The following CSRP1 variants were observed in gnomAD, a reference collection of about 807,000 sequenced individuals.
The protein encoded by CSRP1 is cysteine and glycine-rich protein 1.
Under a neutral mutation model 25.4 loss-of-function variants are expected in CSRP1, and 16 were observed. That is an observed-to-expected ratio of 0.63 (90% CI 0.43 to 0.96). The LOEUF is 0.96. Among genes scored for constraint, CSRP1 ranks in the 40% least tolerant of loss-of-function variants. CSRP1 has a pLI of 0.00. For missense variants in CSRP1, 212 were observed against 243.6 expected (o/e 0.87, Z 0.86); for synonymous variants, 97 against 95.3 (o/e 1.02, Z -0.10).
rs1169986855 is a variant in CSRP1 at position 201,484,286 on chromosome 1, C to G, written c.*427G>C. The G allele has an allele frequency of 2.0e-6, 1 of 511,564 alleles. No homozygotes were observed. Among genetic ancestry groups the G allele is most frequent in the Admixed American group, 3.0e-5 (1 of 32,830 alleles). The allele number at this position is 511,564 out of a possible 1,614,324, so 31.7% of individuals were successfully genotyped here. On this transcript the variant is annotated 3_prime_UTR_variant, in exon 6 of 6. Coordinates refer to ENST00000340006, the MANE Select transcript of CSRP1 (RefSeq NM_004078.3). ...GAGAATCTCTGAGATCCAAAAAACC[C>G]AGCCTTCCCCCCTCCTCATCTTGGT...
Position 201,490,237 on chromosome 1 carries a change from C to T in CSRP1, c.220G>A (p.Gly74Arg), listed in dbSNP as rs747584690. The change falls in exon 3 of 6, where the codon GGG becomes AGG. Residue 74 changes from glycine (G) to arginine (R), a missense_variant. Coordinates refer to ENST00000340006, the MANE Select transcript of CSRP1 (RefSeq NM_004078.3). ...GTGCTGAGGGTGCCTGCGCCCTGCCCGTAGCCATAGCCTTTGGGCCCATAC... is the reference window on the plus strand; with the variant it reads ...GTGCTGAGGGTGCCTGCGCCCTGCCTGTAGCCATAGCCTTTGGGCCCATAC... ...KKYGPKGYGY[G>R]QGAGTLSTDK... The T allele has an allele frequency of 4.3e-6, 7 of 1,614,052 alleles. No homozygotes were observed. The highest frequency in any genetic ancestry group is 2.7e-5 in the African/African-American group (2 of 74,910).
At chr1:201,506,377 A>G (rs1664825726) in intron 1 of CSRP1, among the ~76,000 whole-genome samples, 1 of 152,150 alleles carries the variant, frequency 6.6e-6, no homozygotes, top group Non-Finnish European at 1.5e-5. Flanking sequence ...AGCATGCAAA[A>G]TATTCTCTAG....
At chr1:201,490,369 C>T (rs748182572) in intron 2 of CSRP1, 25 bp from the exon 3 acceptor site, 15 of 1,609,544 alleles carry the variant, frequency 9.3e-6, no homozygotes, top group African/African-American at 8.0e-5. Flanking sequence ...GGGAAGCGGA[C>T]GCATTGAGTT....
At position 201,484,753 on chromosome 1, in the gene CSRP1, C is replaced by A. The variant is rs1203847939; in HGVS notation, c.542G>T (p.Gly181Val). Residue 181 changes from glycine (G) to valine (V), a missense_variant, in exon 6 of 6, where the codon GGT becomes GTT. By Grantham distance (109) the Gly-to-Val change is moderately radical. Transcript: ENST00000340006. ...CAAGGCCCCAGCTCCTTGCCCAAAACCAAAGCCCTTGGGCCCGAAGTTTTT... is the reference window on the plus strand; with the variant it reads ...CAAGGCCCCAGCTCCTTGCCCAAAAACAAAGCCCTTGGGCCCGAAGTTTTT... ...YAKNFGPKGF[G>V]FGQGAGALVH... The A allele has an allele frequency of 1.9e-6, 3 of 1,612,270 alleles. No individual in the cohort carries two copies. Among genetic ancestry groups the A allele is most frequent in the East Asian group, 2.2e-5 (1 of 44,848 alleles).
At position 201,485,323 on chromosome 1, in the gene CSRP1, T is replaced by A; in HGVS notation, c.465A>T (p.Ser155=). Residue 155 remains serine (S), a synonymous_variant, in exon 5 of 6, where the codon TCA becomes TCT. Coordinates refer to ENST00000340006, the MANE Select transcript of CSRP1 (RefSeq NM_004078.3). The stretch of plus-strand genomic sequence containing the variant: ...CGCCATCCTTGTCTGCCAGGGTGGT[T>A]GACTCAAGGCCTTTGCCACACTTGG... The part of the protein sequence containing the change: ...RCAKCGKGLE[S]TTLADKDGEI... 1 of 1,614,186 alleles carries A rather than the reference T, an allele frequency of 6.2e-7. No homozygotes were observed. Among genetic ancestry groups the A allele is most frequent in the Non-Finnish European group, 8.5e-7 (1 of 1,180,012 alleles).
At chr1:201,504,260 C>T (rs9628675) in intron 1 of CSRP1, among the ~76,000 whole-genome samples, 89,869 of 152,056 alleles carry the variant, frequency 0.59, 28,326 homozygotes, top group Non-Finnish European at 0.71. Flanking sequence ...GCCTCAGTTT[C>T]TCCATTTGTA....
At chr1:201,492,800 T>C (rs1664380677) in intron 2 of CSRP1, 1 of 152,274 alleles carries the variant, frequency 6.6e-6, no homozygotes, top group Non-Finnish European at 1.5e-5. Flanking sequence ...ACCTGGTGGT[T>C]TTCTGCCAGC....
At chr1:201,501,695 C>T (rs929543718) in intron 1 of CSRP1, among the ~76,000 whole-genome samples, 5 of 152,142 alleles carry the variant, frequency 3.3e-5, no homozygotes, top group African/African-American at 1.2e-4. Context: ...CCCCAAATCT[C>T]ATGAAAGTCA....
At chr1:201,506,309 A>AGG (rs1557978698) in intron 1 of CSRP1, among the ~76,000 whole-genome samples, 10 of 151,784 alleles carry the variant, frequency 6.6e-5, no homozygotes, top group Non-Finnish European at 1.5e-4. Context: ...GCCTGAGCCC[A>AGG]CTATTGCTCC....
intron 2 of CSRP1, among the ~76,000 whole-genome samples, chr1:201,495,004 G>A (rs1479866822): frequency 6.6e-6 from 1 of 152,188 alleles, no homozygotes; most frequent in Middle Eastern, 3.2e-3. Flanking sequence ...CTCAACCAGA[G>A]AGAAACTGAG....
intron 4 of CSRP1, chr1:201,486,342 C>T (rs2102402917): frequency 1.0e-6 from 1 of 985,466 alleles, no homozygotes; most frequent in Middle Eastern, 5.2e-4. Flanking sequence ...GTAGACAGCT[C>T]TGCTTAACCC....
rs945484804 is a variant in CSRP1, at chr1:201,486,392, A to G, written c.412-1016T>C. The G allele has an allele frequency of 3.0e-6, 3 of 985,554 alleles. No homozygotes were observed. The South Asian group carries it at 1.4e-4, about 46-fold the overall frequency. 61.1% of individuals were successfully genotyped at this position (985,554 alleles called of 1,614,324 possible). On this transcript the variant is annotated intron_variant, in intron 4 of 5. Transcript: ENST00000340006. ...GCAGGCAGCAGTCAGATAAGACAAA[A>G]CAAGGCCTTTTAAGGGCAAAGACAC...
intron 3 of CSRP1, chr1:201,489,215 A>G: frequency 2.3e-6 from 1 of 431,916 alleles, no homozygotes; most frequent in Non-Finnish European, 4.2e-6. Flanking sequence ...TCGGTCACCC[A>G]GTTAACCCCA....
At chr1:201,503,705 C>T (rs183669215) in intron 1 of CSRP1, among the ~76,000 whole-genome samples, 46 of 152,334 alleles carry the variant, frequency 3.0e-4, no homozygotes, top group African/African-American at 1.1e-3. Flanking sequence ...CTGCGTAGTA[C>T]AGGCACGTCA....
chr1:201,488,879 C>T lies in CSRP1; in HGVS notation c.387G>A (p.Ala129=), dbSNP rs61738281. Residue 129 remains alanine, a synonymous_variant, in exon 4 of 6, where the codon GCG becomes GCA. Coordinates refer to ENST00000340006, the MANE Select transcript of CSRP1 (RefSeq NM_004078.3). ...CCTTCCCAGCACCAATCACCTTCTC[C>T]GCAGCATAGACTGCCTGGCTGCATC... ...CPRCSQAVYA[A]EKVIGAGKSW... 4,418 of 1,614,080 alleles carry T rather than the reference C, an allele frequency of 2.7e-3. 91 individuals are homozygous for T. The African/African-American group carries it at 0.047, about 17-fold the overall frequency.
chr1:201,498,633 C>T (rs921030065), intron 1 of CSRP1, among the ~76,000 whole-genome samples: 4 of 152,206 alleles, frequency 2.6e-5, no homozygotes, highest in Admixed American at 6.5e-5. Context: ...GGCCTCAGCT[C>T]AAGAAGGGAT....
At chr1:201,493,174 A>ATGGC (rs1299072527) in intron 2 of CSRP1, among the ~76,000 whole-genome samples, 1 of 152,180 alleles carries the variant, frequency 6.6e-6, no homozygotes, top group Non-Finnish European at 1.5e-5. Flanking sequence ...AGCCCCTTTC[A>ATGGC]AGACCATGGG....
rs1664074994 is a variant in CSRP1 at position 201,484,718 on chromosome 1, C to G, written c.577G>C (p.Glu193Gln). ...GQGAGALVHSE is the reference protein window; with the variant it reads ...GQGAGALVHSQ ...TGTGGTGGGTGATGGTGGCCTCACT[C>G]AGAGTGGACCAAGGCCCCAGCTCCT... The change falls in exon 6 of 6, where the codon GAG (glutamate) becomes CAG (glutamine). Residue 193 changes from glutamate to glutamine, a missense_variant. Physicochemically the swap from Glu to Gln is conservative, Grantham distance 29 (BLOSUM62 2). Coordinates refer to ENST00000340006, the MANE Select transcript of CSRP1 (RefSeq NM_004078.3). The G allele has an allele frequency of 6.2e-7, 1 of 1,610,564 alleles. No homozygotes were observed. The highest frequency in any genetic ancestry group is 8.5e-7 in the Non-Finnish European group (1 of 1,179,118).
intron 2 of CSRP1, 51 bp downstream of exon 2, chr1:201,496,141 G>T (rs1160691716): frequency 1.4e-6 from 2 of 1,436,258 alleles, no homozygotes; most frequent in African/African-American, 1.4e-5. Flanking sequence ...GTGGGGGCAG[G>T]CCCGTCCAGG....
Sources: gnomAD v4.1 joint callset for allele counts (sites outside exome capture counted in the v4.1 genomes callset) on GRCh38, gnomAD v4.1.1 for gene constraint, MANE v1.5 for transcripts, NCBI Gene and HGNC (gene_info 2026-07-23, HGNC 2026-07-21) for gene names.